Variants in SUFU observed in about 807,000 individuals in gnomAD.
The protein encoded by SUFU is suppressor of fused homolog.
Under a neutral mutation model 58.9 loss-of-function variants are expected in SUFU, and 7 were observed. That is an observed-to-expected ratio of 0.12 (90% CI 0.07 to 0.22). SUFU has a LOEUF of 0.22. Among genes scored for constraint, SUFU ranks in the 10% least tolerant of loss-of-function variants. SUFU has a pLI of 1.00. For synonymous variants in SUFU, 232 were observed against 254.8 expected, an observed-to-expected ratio of 0.91 and a Z score of 0.85; for missense variants, 451 against 641.3, an observed-to-expected ratio of 0.70 and a Z score of 3.20.
chr10:102,613,300 G>C (rs1035686729), intron 8 of SUFU, among the ~76,000 whole-genome samples: 11 of 152,286 alleles, frequency 7.2e-5, no homozygotes. Flanking sequence ...CAGTTTTAGA[G>C]CTGGCTTTAG....
At chr10:102,503,825 C>A (rs373586559), upstream of SUFU, among the ~76,000 whole-genome samples, 485 of 152,344 alleles carry the variant, frequency 3.2e-3, 4 homozygotes, top group African/African-American at 0.011. Context: ...GGGACACTCC[C>A]AACACAGGGA....
intron 3 of SUFU, among the ~76,000 whole-genome samples, chr10:102,574,380 T>C (rs576077193): frequency 2.6e-5 from 4 of 152,360 alleles, no homozygotes; most frequent in Non-Finnish European, 4.4e-5. Flanking sequence ...CTAAAACTAG[T>C]ATATGGATAT....
At chr10:102,579,780 G>C in intron 3 of SUFU, 2 of 978,838 alleles carry the variant, frequency 2.0e-6, no homozygotes, top group Non-Finnish European at 2.4e-6. Flanking sequence ...GACAGAGCTA[G>C]CTGAGGGAAG....
At chr10:102,532,436 C>T (rs1241109899) in intron 2 of SUFU, among the ~76,000 whole-genome samples, 1 of 152,168 alleles carries the variant, frequency 6.6e-6, no homozygotes, top group Non-Finnish European at 1.5e-5. Context: ...CACCAGGAGT[C>T]CAGGAATAGC....
intron 8 of SUFU, among the ~76,000 whole-genome samples, chr10:102,606,107 G>A (rs2063560615): frequency 6.6e-6 from 1 of 152,186 alleles, no homozygotes. Context: ...TTGAGACTCT[G>A]TTGGTCTGTT....
intron 2 of SUFU, among the ~76,000 whole-genome samples, chr10:102,522,785 C>A (rs184495347): frequency 6.6e-6 from 1 of 152,152 alleles, no homozygotes; most frequent in Non-Finnish European, 1.5e-5. Flanking sequence ...GAAGGCCAGA[C>A]GTTAATCTGC....
chr10:102,527,088 C>CG (rs1315181300), intron 2 of SUFU, among the ~76,000 whole-genome samples: 5 of 150,174 alleles, frequency 3.3e-5, no homozygotes, highest in African/African-American at 4.9e-5. Context: ...CTGCAAGCTC[C>CG]GCCTTCTGGT....
chr10:102,555,767 C>T (rs2062969082), intron 3 of SUFU, among the ~76,000 whole-genome samples: 1 of 152,220 alleles, frequency 6.6e-6, no homozygotes, highest in Non-Finnish European at 1.5e-5. Context: ...GATCACTCAG[C>T]TGCTGCTGCA....
At chr10:102,552,021 G>A (rs1373971135) in intron 3 of SUFU, among the ~76,000 whole-genome samples, 3 of 151,946 alleles carry the variant, frequency 2.0e-5, no homozygotes, top group Admixed American at 6.6e-5. Flanking sequence ...CACTGTGCCC[G>A]ACCTTATTAT....
intron 2 of SUFU, among the ~76,000 whole-genome samples, chr10:102,511,249 C>T (rs560215877): frequency 1.3e-5 from 2 of 150,898 alleles, no homozygotes; most frequent in African/African-American, 4.9e-5. Flanking sequence ...TGTTTGTATT[C>T]TGTCAATTAA....
intron 2 of SUFU, among the ~76,000 whole-genome samples, chr10:102,516,116 C>CTTTCT (rs2062465598): frequency 1.1e-5 from 1 of 94,898 alleles, no homozygotes; most frequent in Non-Finnish European, 2.2e-5. Context: ...CTTTTTCTTT[C>CTTTCT]TTTCTTTTCT....
At chr10:102,580,015 G>A (rs2063256572) in intron 3 of SUFU, among the ~76,000 whole-genome samples, 1 of 104,162 alleles carries the variant, frequency 9.6e-6, no homozygotes. Context: ...TCTGTTTTGG[G>A]TCTCCTCCCC....
At chr10:102,591,768 T>C (rs975402733) in intron 3 of SUFU, 1 of 152,208 alleles carries the variant, frequency 6.6e-6, no homozygotes, top group Non-Finnish European at 1.5e-5. Flanking sequence ...GCACCCACGA[T>C]GAGAGTCAGA....
At chr10:102,555,488 T>C (rs1036952381) in intron 3 of SUFU, among the ~76,000 whole-genome samples, 1 of 152,046 alleles carries the variant, frequency 6.6e-6, no homozygotes, top group African/African-American at 2.4e-5. Flanking sequence ...ACAAATAAAA[T>C]TACCTCGTTT....
At chr10:102,549,888 AAG>A in intron 2 of SUFU, 80 bp from the exon 3 acceptor site, 3 of 1,578,348 alleles carry the variant, frequency 1.9e-6, no homozygotes, top group Non-Finnish European at 2.6e-6. Flanking sequence ...CCACCATAAA[AAG>A]GGGGAGAACT....
intron 3 of SUFU, among the ~76,000 whole-genome samples, chr10:102,587,850 G>A (rs1237906091): frequency 1.3e-5 from 2 of 152,110 alleles, no homozygotes; most frequent in Admixed American, 6.5e-5. Context: ...TGTTACTTAT[G>A]CTTTTGATAT....
intron 3 of SUFU, among the ~76,000 whole-genome samples, chr10:102,582,676 G>A (rs1442028784): frequency 6.6e-6 from 1 of 151,962 alleles, no homozygotes; most frequent in Admixed American, 6.6e-5. Context: ...AGCATTTTTG[G>A]CGGGGAGGGG....
At chr10:102,611,293 G>A (rs1039784032) in intron 8 of SUFU, among the ~76,000 whole-genome samples, 24 of 152,244 alleles carry the variant, frequency 1.6e-4, no homozygotes, top group Non-Finnish European at 1.5e-5. Flanking sequence ...GCAACTTGAA[G>A]AACAGTGGTT....
chr10:102,509,027 G>C (rs1019019688), intron 1 of SUFU, 142 bp from the exon 2 acceptor site: 1 of 1,148,128 alleles, frequency 8.7e-7, no homozygotes, highest in African/African-American at 1.5e-5. Flanking sequence ...TCTCATTCTG[G>C]AGAGATGTGG....
Sources: allele counts gnomAD v4.1 joint callset (sites outside exome capture counted in the v4.1 genomes callset), GRCh38; gene constraint gnomAD v4.1.1; transcripts MANE v1.5; gene names NCBI Gene and HGNC (gene_info 2026-07-23, HGNC 2026-07-21).